Variants in ZNF628 observed in about 807,000 individuals in gnomAD.
The protein encoded by ZNF628 is zinc finger protein Zec.
ZNF628 carries 3 observed loss-of-function variants against 2.5 expected under a neutral mutation model. The ratio of observed to expected loss-of-function variants is 1.19; its 90% CI spans 0.54 to 3.07. The LOEUF is 3.07. ZNF628 is among the 30% of genes most tolerant of loss of function. The pLI is 0.03. For synonymous variants in ZNF628, 861 were observed against 717.1 expected, an observed-to-expected ratio of 1.20 and a Z score of -3.21; for missense variants, 1,610 against 1,517.1, an observed-to-expected ratio of 1.06 and a Z score of -1.02.
In ZNF628 at chr19:55,482,170, A is replaced by C. The variant is rs1016420178; in HGVS notation, c.977A>C (p.Gln326Pro). ...CPGPDAAPQP[Q>P]EAPAEAPKAD... ...GGGCCCGATGCGGCGCCCCAGCCCC[A>C]GGAGGCACCCGCCGAGGCGCCCAAG... Residue 326 changes from glutamine to proline, a missense_variant, in exon 3 of 3, where the codon CAG becomes CCG. Physicochemically the swap from Gln to Pro is moderately conservative, Grantham distance 76. This residue lies in a region of ZNF628 where 651 missense variants were observed against 575.6 expected (regional missense o/e 1.13). Transcript: ENST00000598519. 4 of 1,495,516 alleles carry C rather than the reference A, an allele frequency of 2.7e-6. No homozygotes were observed. In the South Asian group the frequency reaches 3.7e-5, roughly 14 times the overall value. The allele number at this position is 1,495,516 out of a possible 1,614,324, so 92.6% of individuals were successfully genotyped here.
At chr19:55,478,803 G>A (rs904434338) in intron 1 of ZNF628, among the ~76,000 whole-genome samples, 1 of 152,204 alleles carries the variant, frequency 6.6e-6, no homozygotes. Context: ...AGGGGCAATC[G>A]AGAGAGAGGA....
In ZNF628 at chr19:55,481,883, C is replaced by T. The variant is rs1453580939; in HGVS notation, c.690C>T (p.Pro230=). The change falls in exon 3 of 3, where the codon CCC becomes CCT. Residue 230 remains proline (P), a synonymous_variant. Coordinates refer to ENST00000598519, the MANE Select transcript of ZNF628 (RefSeq NM_033113.3). The part of the protein sequence containing the change: ...LLHQRTHGAA[P]APGTASAAPP... The stretch of plus-strand genomic sequence containing the variant: ...ACCAGCGCACGCACGGCGCCGCCCC[C>T]GCCCCGGGTACCGCCTCCGCGGCCC... The T allele has an allele frequency of 6.6e-7, 1 of 1,519,530 alleles. No individual in the cohort carries two copies. Among genetic ancestry groups the T allele is most frequent in the Non-Finnish European group, 8.8e-7 (1 of 1,136,460 alleles). 94.1% of individuals were successfully genotyped at this position (1,519,530 alleles called of 1,614,324 possible).
Position 55,483,101 on chromosome 19 carries a change from T to C in ZNF628, c.1908T>C (p.Tyr636=), listed in dbSNP as rs771592419. 6.2e-7 allele frequency: 1 copy of C among 1,604,878 alleles called. No homozygotes were observed. The highest frequency in any genetic ancestry group is 8.5e-7 in the Non-Finnish European group (1 of 1,178,898). The change falls in exon 3 of 3, where the codon TAT becomes TAC. Residue 636 remains tyrosine, a synonymous_variant. Transcript: ENST00000598519. ...ICGRGFVMAA[Y]LQRHLRTHAP... is the part of the protein sequence containing the mutation. ...GTCGCGGCTTCGTTATGGCCGCCTA[T>C]CTGCAGCGGCACCTGAGGACGCACG...
At chr19:55,477,654 C>T (rs1399896803) in intron 1 of ZNF628, among the ~76,000 whole-genome samples, 1 of 149,950 alleles carries the variant, frequency 6.7e-6, no homozygotes, top group African/African-American at 2.4e-5. Flanking sequence ...CCCAGCTACT[C>T]GGGAGGCTGA....
At position 55,483,958 on chromosome 19, in the gene ZNF628, T is replaced by C. The variant is rs752016462; in HGVS notation, c.2765T>C (p.Val922Ala). ...GEASTGVVQDVLFETLQTDEG... is the reference protein window; with the variant it reads ...GEASTGVVQDALFETLQTDEG... The stretch of plus-strand genomic sequence containing the variant: ...GCCAGCACTGGTGTGGTCCAGGATG[T>C]CCTCTTTGAGACACTCCAGACGGAC... Residue 922 changes from valine (V) to alanine (A), a missense_variant, in exon 3 of 3, where the codon GTC becomes GCC. Around this residue, in one of 5 missense-constraint regions of ZNF628, gnomAD observed 712 missense variants for 603.6 expected, o/e 1.18. Coordinates refer to ENST00000598519, the MANE Select transcript of ZNF628 (RefSeq NM_033113.3). 6.4e-7 allele frequency: 1 copy of C among 1,572,048 alleles called. No homozygotes were observed. The highest frequency in any genetic ancestry group is 8.6e-7 in the Non-Finnish European group (1 of 1,157,294).
At position 55,480,530 on chromosome 19, in the gene ZNF628, C is replaced by T. The variant is rs142588598; in HGVS notation, c.7+613C>T. 2.3e-4 allele frequency among the ~76,000 whole-genome samples: 35 copies of T among 152,312 alleles called. No homozygotes were observed. In the South Asian group the frequency reaches 3.7e-3, roughly 16 times the overall value. On this transcript the variant is annotated intron_variant, in intron 2 of 2. Transcript: ENST00000598519. Reference sequence around the variant, plus strand: ...CCACCTCCTGTGTTCAAGCAATTCTCCCGCCTCAGCCTCCTGAGTAGCTGG... The same window carrying T: ...CCACCTCCTGTGTTCAAGCAATTCTTCCGCCTCAGCCTCCTGAGTAGCTGG...
At position 55,482,478 on chromosome 19, in the gene ZNF628, C is replaced by T. The variant is rs1374312777; in HGVS notation, c.1285C>T (p.Pro429Ser). The change falls in exon 3 of 3, where the codon CCC (proline) becomes TCC (serine). Residue 429 changes from proline to serine, a missense_variant. Around this residue, in one of 5 missense-constraint regions of ZNF628, gnomAD observed 651 missense variants for 575.6 expected, o/e 1.13. Transcript: ENST00000598519. ...PQAEAAEVTC[P>S]QEPLAPAAPV... is the part of the protein sequence containing the mutation. ...GGCTGAGGCTGCGGAGGTGACCTGCCCCCAGGAACCGCTGGCGCCTGCCGC... is the reference window on the plus strand; with the variant it reads ...GGCTGAGGCTGCGGAGGTGACCTGCTCCCAGGAACCGCTGGCGCCTGCCGC... 9.7e-6 allele frequency: 14 copies of T among 1,436,404 alleles called. No homozygotes were observed. The highest frequency in any genetic ancestry group is 2.7e-5 in the Admixed American group (1 of 36,532). 89.0% of individuals were successfully genotyped at this position (1,436,404 alleles called of 1,614,324 possible). A position where few individuals can be genotyped will look rare whatever the true frequency, so the allele number is the denominator to read the frequency against.
intron 1 of ZNF628, among the ~76,000 whole-genome samples, chr19:55,477,440 A>G (rs59362284): frequency 0.82 from 123,391 of 151,026 alleles, 51,085 homozygotes; most frequent in African/African-American, 0.92. Context: ...ACCTGCTTAC[A>G]TATTAAAGGG....
Position 55,483,468 on chromosome 19 carries a change from C to T in ZNF628, c.2275C>T (p.Gln759Ter), listed in dbSNP as rs1363091322. The T allele has an allele frequency of 6.6e-7, 1 of 1,520,182 alleles. No individual in the cohort carries two copies. Among genetic ancestry groups the T allele is most frequent in the Non-Finnish European group, 8.8e-7 (1 of 1,136,508 alleles). 94.2% of individuals were successfully genotyped at this position (1,520,182 alleles called of 1,614,324 possible). A position where few individuals can be genotyped will look rare whatever the true frequency, so the allele number is the denominator to read the frequency against. ...SAGAGGGRAR[Q>*]GPRAVGKAGQ... is the part of the protein sequence containing the mutation. ...TGGGGCTGGGGGCGGCCGTGCAAGG[C>T]AGGGCCCGCGGGCAGTGGGGAAAGC... Residue 759 changes from glutamine (Q) to a stop codon, truncating the protein, a stop_gained, in exon 3 of 3, where the codon CAG becomes TAG. Transcript: ENST00000598519. LOFTEE classifies it low-confidence loss of function (END_TRUNC).
chr19:55,477,095 A>T (rs970892241), intron 1 of ZNF628, among the ~76,000 whole-genome samples: 1 of 152,216 alleles, frequency 6.6e-6, no homozygotes, highest in African/African-American at 2.4e-5. Flanking sequence ...CGTTTCCCAG[A>T]CATTGAAGCA....
Position 55,482,005 on chromosome 19 carries a change from CG to C in ZNF628, c.813del (p.Pro272ArgfsTer155). The C allele has an allele frequency of 6.8e-7, 1 of 1,470,606 alleles. No homozygotes were observed. The allele number at this position is 1,470,606 out of a possible 1,614,324, so 91.1% of individuals were successfully genotyped here. A position where few individuals can be genotyped will look rare whatever the true frequency, so the allele number is the denominator to read the frequency against. ...CACAGCCCGCCCGCGCCTCCCGCCCCGCCGCCCCCGCCCCCGCCCGTGGTGC... is the reference window on the plus strand; with the variant it reads ...CACAGCCCGCCCGCGCCTCCCGCCCCCCGCCCCCGCCCCCGCCCGTGGTGC... ...QPHSPPAPPA[P>X]PPPPPPVVPE... On this transcript the variant is annotated frameshift_variant, in exon 3 of 3. Coordinates refer to ENST00000598519, the MANE Select transcript of ZNF628 (RefSeq NM_033113.3). LOFTEE classifies it low-confidence loss of function (END_TRUNC).
rs1196607535 is a variant in ZNF628 at position 55,482,252 on chromosome 19, G to T, written c.1059G>T (p.Ala353=). The T allele has an allele frequency of 3.4e-6, 5 of 1,449,670 alleles. No individual in the cohort carries two copies. Among genetic ancestry groups the T allele is most frequent in the Admixed American group, 2.7e-5 (1 of 37,694 alleles). The allele number at this position is 1,449,670 out of a possible 1,614,324, so 89.8% of individuals were successfully genotyped here. The part of the protein sequence containing the change: ...PQPPPPAAAP[A]PGFACLPCGK... ...CCCCTCCTCCCGCCGCCGCCCCCGCGCCTGGCTTTGCCTGTCTGCCCTGCG... is the reference window on the plus strand; with the variant it reads ...CCCCTCCTCCCGCCGCCGCCCCCGCTCCTGGCTTTGCCTGTCTGCCCTGCG... The change falls in exon 3 of 3, where the codon GCG becomes GCT. Residue 353 remains alanine, a synonymous_variant. Transcript: ENST00000598519.
Position 55,482,649 on chromosome 19 carries a change from G to C in ZNF628, c.1456G>C (p.Glu486Gln). The C allele has an allele frequency of 6.2e-7, 1 of 1,609,246 alleles. No homozygotes were observed. The highest frequency in any genetic ancestry group is 8.5e-7 in the Non-Finnish European group (1 of 1,178,634). Residue 486 changes from glutamate to glutamine, a missense_variant, in exon 3 of 3, where the codon GAG becomes CAG. Glu to Gln is a conservative substitution (Grantham distance 29, BLOSUM62 2). Coordinates refer to ENST00000598519, the MANE Select transcript of ZNF628 (RefSeq NM_033113.3). ...HTGERPYQCG[E>Q]CGKAFKRSSL... The stretch of plus-strand genomic sequence containing the variant: ...GGGCGAGCGGCCCTACCAGTGTGGC[G>C]AGTGCGGCAAGGCCTTCAAGCGCTC...
intron 1 of ZNF628, among the ~76,000 whole-genome samples, chr19:55,478,379 G>C (rs1193383812): frequency 6.6e-6 from 1 of 152,194 alleles, no homozygotes; most frequent in Non-Finnish European, 1.5e-5. Context: ...AGCGAGTGGC[G>C]GGCACAGGTG....
rs755866837 is a variant in ZNF628, at chr19:55,482,862, C to A, written c.1669C>A (p.Arg557Ser). The A allele has an allele frequency of 6.2e-7, 1 of 1,603,422 alleles. No individual in the cohort carries two copies. The highest frequency in any genetic ancestry group is 8.5e-7 in the Non-Finnish European group (1 of 1,173,304). The change falls in exon 3 of 3, where the codon CGC (arginine) becomes AGC (serine). Residue 557 changes from arginine to serine, a missense_variant. By Grantham distance (110) the Arg-to-Ser change is moderately radical (BLOSUM62 -1). This residue lies in a region of ZNF628 where 651 missense variants were observed against 575.6 expected (regional missense o/e 1.13). Coordinates refer to ENST00000598519, the MANE Select transcript of ZNF628 (RefSeq NM_033113.3). Reference protein sequence around the residue: ...FRNTSCLRRHRHVHTGERPHA... With the variant: ...FRNTSCLRRHSHVHTGERPHA... ...CAACACGTCGTGCCTGCGTCGCCAC[C>A]GCCACGTGCACACTGGCGAGAGGCC...
At chr19:55,480,325 A>C (rs1406232794) in intron 2 of ZNF628, among the ~76,000 whole-genome samples, 3 of 143,130 alleles carry the variant, frequency 2.1e-5, no homozygotes, top group Non-Finnish European at 4.5e-5. Flanking sequence ...GGCTTACTGC[A>C]ACCTCCACCT....
At position 55,479,945 on chromosome 19, in the gene ZNF628, G is replaced by A. The variant is rs1286539772; in HGVS notation, c.7+28G>A. ...AGTCACCTGGGGAGTGCATGGGCCAGAGACATGTAGTGTGAGCCAGGGAGG... is the reference window on the plus strand; with the variant it reads ...AGTCACCTGGGGAGTGCATGGGCCAAAGACATGTAGTGTGAGCCAGGGAGG... On this transcript the variant is annotated intron_variant, in intron 2 of 2. Transcript: ENST00000598519. The surrounding 1 kb of genome is among the most constrained non-coding windows in gnomAD (Gnocchi z 5.1). The A allele has an allele frequency of 2.5e-6, 1 of 399,282 alleles. No homozygotes were observed. The highest frequency in any genetic ancestry group is 4.4e-6 in the Non-Finnish European group (1 of 226,256). 24.7% of individuals were successfully genotyped at this position (399,282 alleles called of 1,614,324 possible). A position where few individuals can be genotyped will look rare whatever the true frequency, so the allele number is the denominator to read the frequency against.
chr19:55,483,404 C>G lies in ZNF628; in HGVS notation c.2211C>G (p.Pro737=). ...SVQPPTPPPP[P]APPKLILLPS... is the part of the protein sequence containing the mutation. ...AGCCCCCTACACCTCCGCCCCCTCC[C>G]GCACCTCCCAAGCTCATCCTGCTGC... Residue 737 remains proline, a synonymous_variant, in exon 3 of 3, where the codon CCC becomes CCG. Coordinates refer to ENST00000598519, the MANE Select transcript of ZNF628 (RefSeq NM_033113.3). The G allele has an allele frequency of 6.5e-7, 1 of 1,531,146 alleles. No homozygotes were observed. Among genetic ancestry groups the G allele is most frequent in the Non-Finnish European group, 8.8e-7 (1 of 1,140,688 alleles). The allele number at this position is 1,531,146 out of a possible 1,614,324, so 94.8% of individuals were successfully genotyped here. A position where few individuals can be genotyped will look rare whatever the true frequency, so the allele number is the denominator to read the frequency against.
Position 55,481,929 on chromosome 19 carries a change from C to A in ZNF628, c.736C>A (p.Pro246Thr). Residue 246 changes from proline to threonine, a missense_variant, in exon 3 of 3, where the codon CCC becomes ACC. Around this residue, in one of 5 missense-constraint regions of ZNF628, gnomAD observed 651 missense variants for 575.6 expected, o/e 1.13. Transcript: ENST00000598519. ...GGCCCCGCCCCCCCAGTCCCGGGAGCCCGGCAAGGTCTTCGTGTGCGACGC... is the reference window on the plus strand; with the variant it reads ...GGCCCCGCCCCCCCAGTCCCGGGAGACCGGCAAGGTCTTCGTGTGCGACGC... The part of the protein sequence containing the change: ...SAAPPPQSRE[P>T]GKVFVCDAYL... 1 of 1,476,796 alleles carries A rather than the reference C, an allele frequency of 6.8e-7. No individual in the cohort carries two copies. Among genetic ancestry groups the A allele is most frequent in the Non-Finnish European group, 8.9e-7 (1 of 1,118,530 alleles). 91.5% of individuals were successfully genotyped at this position (1,476,796 alleles called of 1,614,324 possible).
Sources: allele counts gnomAD v4.1 joint callset (sites outside exome capture counted in the v4.1 genomes callset), GRCh38; gene constraint gnomAD v4.1.1; regional missense constraint gnomAD v4.1.1; non-coding constraint Gnocchi (gnomAD v3.1); transcripts MANE v1.5; gene names NCBI Gene and HGNC (gene_info 2026-07-23, HGNC 2026-07-21).